Variants in RNF170 observed in about 807,000 individuals in gnomAD.
The protein encoded by RNF170 is E3 ubiquitin-protein ligase RNF170.
RNF170 carries 12 observed loss-of-function variants against 32.7 expected under a neutral mutation model. The observed-to-expected ratio is 0.37, with a 90% CI of 0.24 to 0.60. The LOEUF (loss-of-function observed/expected upper bound fraction) is 0.60. RNF170 is among the 20% of genes least tolerant of loss of function. The pLI is 0.72. For missense variants in RNF170, 212 were observed against 311.2 expected (o/e 0.68, Z 2.40); for synonymous variants, 91 against 103.6 (o/e 0.88, Z 0.74).
In RNF170 at chr8:42,888,510, C is replaced by T. The variant is rs368074917; in HGVS notation, c.-7-639G>A. ...AGATGCAGTGGCTCACGCCTGTAAT[C>T]CCAGCATTATGGGAGGCTGAGGCAG... On this transcript the variant is annotated intron_variant, in intron 1 of 6. Coordinates refer to ENST00000527424, the MANE Select transcript of RNF170 (RefSeq NM_030954.4). 1.1e-4 allele frequency among the ~76,000 whole-genome samples: 16 copies of T among 151,340 alleles called. No homozygotes were observed. The South Asian group carries it at 1.7e-3, about 16-fold the overall frequency.
chr8:42,879,898 C>T (rs1805248130), intron 2 of RNF170, among the ~76,000 whole-genome samples: 1 of 152,152 alleles, frequency 6.6e-6, no homozygotes, highest in African/African-American at 2.4e-5. Context: ...TGGTCTCAAA[C>T]TCCTGGCCTC....
chr8:42,861,771 G>A lies in RNF170; in HGVS notation c.481C>T (p.Arg161Trp), dbSNP rs1396347227. The change falls in exon 6 of 7, where the codon CGG becomes TGG. Residue 161 changes from arginine (R) to tryptophan (W), a missense_variant. Physicochemically the swap from Arg to Trp is moderately radical, Grantham distance 101. Coordinates refer to ENST00000527424, the MANE Select transcript of RNF170 (RefSeq NM_030954.4). ...GATCTGGGTTGCCCTGAGAATCTCC[G>A]GTTATAATCATTAATATCCTGATGC... ...RLHQDINDYN[R>W]RFSGQPRSIM... 20 of 1,613,414 alleles carry A rather than the reference G, an allele frequency of 1.2e-5. No individual in the cohort carries two copies. The highest frequency in any genetic ancestry group is 1.4e-5 in the Non-Finnish European group (17 of 1,179,616).
At position 42,896,529 on chromosome 8, in the gene RNF170, G is replaced by A. The variant is rs1231119744; in HGVS notation, c.-53C>T. ...ACCTCGCCAGTTCCCGGCGACAGAG[G>A]ACAGATTATTTCCAGGACCGCTCCC... On this transcript the variant is annotated 5_prime_UTR_variant, in exon 1 of 7. Transcript: ENST00000527424. The A allele has an allele frequency of 2.2e-6, 1 of 453,818 alleles. No individual in the cohort carries two copies. Among genetic ancestry groups the A allele is most frequent in the African/African-American group, 2.0e-5 (1 of 49,970 alleles). The allele number at this position is 453,818 out of a possible 1,614,324, so 28.1% of individuals were successfully genotyped here.
chr8:42,859,619 T>C (rs1803504715), intron 6 of RNF170, among the ~76,000 whole-genome samples: 1 of 151,728 alleles, frequency 6.6e-6, no homozygotes, highest in Admixed American at 6.6e-5. Flanking sequence ...AGTGAGAATC[T>C]GTCTCAAACA....
chr8:42,870,017 T>A lies in RNF170; in HGVS notation c.309A>T (p.Gly103=). Residue 103 remains glycine (G), a synonymous_variant, in exon 4 of 7, where the codon GGA becomes GGT. Transcript: ENST00000527424. ...QASFPVETNC[G]HLFCGACIIA... Reference sequence around the variant, plus strand: ...TTGTTTGCTTACCACAAAAAAGATGTCCACAGTTGGTCTCCACCGGGAAGG... The same window carrying A: ...TTGTTTGCTTACCACAAAAAAGATGACCACAGTTGGTCTCCACCGGGAAGG... 1 of 1,613,304 alleles carries A rather than the reference T, an allele frequency of 6.2e-7. No homozygotes were observed. Among genetic ancestry groups the A allele is most frequent in the Non-Finnish European group, 8.5e-7 (1 of 1,179,258 alleles).
At chr8:42,858,004 T>TG (rs1803367336) in intron 6 of RNF170, among the ~76,000 whole-genome samples, 1 of 152,168 alleles carries the variant, frequency 6.6e-6, no homozygotes, top group Admixed American at 6.5e-5. Flanking sequence ...CATTGCATTC[T>TG]GGCCTGGGCG....
rs1159067780 is a variant in RNF170, at chr8:42,854,847, T to G, written c.*1312A>C. On this transcript the variant is annotated 3_prime_UTR_variant, in exon 7 of 7. Coordinates refer to ENST00000527424, the MANE Select transcript of RNF170 (RefSeq NM_030954.4). ...TCTCCCAGTACCATGTGGTACTGAG[T>G]CTTCTCAGATACATTCACTTGTTTG... is the stretch of plus-strand genomic sequence containing the variant. The G allele has an allele frequency of 7.8e-7, 1 of 1,287,242 alleles. No individual in the cohort carries two copies. The highest frequency in any genetic ancestry group is 1.0e-6 in the Non-Finnish European group (1 of 988,656). 79.7% of individuals were successfully genotyped at this position (1,287,242 alleles called of 1,614,324 possible).
At chr8:42,894,234 C>A (rs1200175197) in intron 1 of RNF170, among the ~76,000 whole-genome samples, 3 of 152,168 alleles carry the variant, frequency 2.0e-5, no homozygotes, top group African/African-American at 7.2e-5. Context: ...GGATATGCAG[C>A]CAAGCTTGAA....
intron 6 of RNF170, among the ~76,000 whole-genome samples, chr8:42,859,445 G>A (rs1190455946): frequency 6.6e-6 from 1 of 151,970 alleles, no homozygotes; most frequent in African/African-American, 2.4e-5. Flanking sequence ...GGCCAGCCTG[G>A]GCAGCATGGC....
intron 1 of RNF170, among the ~76,000 whole-genome samples, chr8:42,892,015 G>A (rs1194146696): frequency 6.6e-6 from 1 of 152,134 alleles, no homozygotes; most frequent in African/African-American, 2.4e-5. Flanking sequence ...CCCGGTCAAT[G>A]CCCATTCTCA....
chr8:42,864,548 A>G (rs1586495955), intron 5 of RNF170, among the ~76,000 whole-genome samples: 1 of 152,136 alleles, frequency 6.6e-6, no homozygotes, highest in East Asian at 1.9e-4. Flanking sequence ...CAGTTTATCA[A>G]AGAAATGGAG....
chr8:42,857,368 A>G (rs1586477520), intron 6 of RNF170, among the ~76,000 whole-genome samples: 1 of 152,240 alleles, frequency 6.6e-6, no homozygotes, highest in Non-Finnish European at 1.5e-5. Context: ...GGAAGAACTA[A>G]TATCTAAAGC....
intron 6 of RNF170, among the ~76,000 whole-genome samples, chr8:42,858,486 C>T (rs1803410573): frequency 6.6e-6 from 1 of 152,164 alleles, no homozygotes. Flanking sequence ...CTGTTGGAAA[C>T]TCGGCAGTGG....
intron 4 of RNF170, among the ~76,000 whole-genome samples, chr8:42,868,639 T>C (rs1016142525): frequency 6.6e-6 from 1 of 152,018 alleles, no homozygotes; most frequent in Admixed American, 6.6e-5. Context: ...TGGATCACGA[T>C]GTCAGGAGTT....
chr8:42,896,063 T>C, intron 1 of RNF170: 1 of 205,406 alleles, frequency 4.9e-6, no homozygotes, highest in Non-Finnish European at 1.0e-5. Context: ...AGGTGGAAGC[T>C]CCAGAACGAT....
rs754700323 is a variant in RNF170, at chr8:42,854,047, A to C, written c.*2112T>G. On this transcript the variant is annotated 3_prime_UTR_variant, in exon 7 of 7. Transcript: ENST00000527424. ...AGGAAATGCATTTCCAGTCTGGTAC[A>C]TGGCAGTGTGACAAACTCCTACTCA... 3 of 1,287,250 alleles carry C rather than the reference A, an allele frequency of 2.3e-6. No homozygotes were observed. In the South Asian group the frequency reaches 3.7e-5, roughly 16 times the overall value. 79.7% of individuals were successfully genotyped at this position (1,287,250 alleles called of 1,614,324 possible).
At chr8:42,853,181 G>A, downstream of RNF170, 2 of 292,182 alleles carry the variant, frequency 6.8e-6, no homozygotes, top group Non-Finnish European at 1.2e-5. Context: ...AATTAGAAAT[G>A]TGATGAGATA....
chr8:42,862,056 A>G (rs2128926964), intron 5 of RNF170, among the ~76,000 whole-genome samples: 1 of 152,332 alleles, frequency 6.6e-6, no homozygotes, highest in African/African-American at 2.4e-5. Context: ...CTCCTATAAA[A>G]TAGACACCAT....
Position 42,861,786 on chromosome 8 carries a change from T to C in RNF170, c.466A>G (p.Ile156Val), listed in dbSNP as rs1297392825. Residue 156 changes from isoleucine to valine, a missense_variant, in exon 6 of 7, where the codon ATT (isoleucine) becomes GTT (valine). Physicochemically the swap from Ile to Val is conservative, Grantham distance 29. This residue lies in a region of RNF170 where 97 missense variants were observed against 178.9 expected (regional missense o/e 0.54). Coordinates refer to ENST00000527424, the MANE Select transcript of RNF170 (RefSeq NM_030954.4). The stretch of plus-strand genomic sequence containing the variant: ...GAGAATCTCCGGTTATAATCATTAA[T>C]ATCCTGATGCAATCTCAGAACATCC... The part of the protein sequence containing the change: ...SQDVLRLHQD[I>V]NDYNRRFSGQ... 1 of 1,613,958 alleles carries C rather than the reference T, an allele frequency of 6.2e-7. No individual in the cohort carries two copies. The highest frequency in any genetic ancestry group is 8.5e-7 in the Non-Finnish European group (1 of 1,179,906).
Sources: gnomAD v4.1 joint callset for allele counts (sites outside exome capture counted in the v4.1 genomes callset) on GRCh38, gnomAD v4.1.1 for gene constraint, gnomAD v4.1.1 regional missense constraint, MANE v1.5 for transcripts, NCBI Gene and HGNC (gene_info 2026-07-23, HGNC 2026-07-21) for gene names.